ABL1: variants seen among roughly 807,000 people sequenced by gnomAD.
ABL1 encodes tyrosine-protein kinase ABL1.
In ABL1, 11 loss-of-function variants were observed where a neutral mutation model predicts 94.7. The observed-to-expected ratio is 0.12, with a 90% CI of 0.07 to 0.19. The LOEUF (loss-of-function observed/expected upper bound fraction) is 0.19. ABL1 is among the 10% of genes least tolerant of loss of function. The probability of loss-of-function intolerance (pLI) is 1.00; values close to 1 mark genes in which losing one functional copy is unlikely to be tolerated. For missense variants in ABL1, 1,082 were observed against 1,489.4 expected, an observed-to-expected ratio of 0.73 and a Z score of 4.50; for synonymous variants, 656 against 622.4, an observed-to-expected ratio of 1.05 and a Z score of -0.80.
Position 130,878,688 on chromosome 9 carries a change from A to C in ABL1, c.1423+121A>C, listed in dbSNP as rs1831394669. 3.3e-6 allele frequency: 4 copies of C among 1,217,702 alleles called. No homozygotes were observed. In the East Asian group the frequency reaches 9.5e-5, roughly 29 times the overall value. The allele number at this position is 1,217,702 out of a possible 1,614,324, so 75.4% of individuals were successfully genotyped here. A position where few individuals can be genotyped will look rare whatever the true frequency, so the allele number is the denominator to read the frequency against. The stretch of plus-strand genomic sequence containing the variant: ...TGAGCTCTCTCCATTCCAGTTCTTC[A>C]GATGCAGCTAATGTAGCCATTTGCT... On this transcript the variant is annotated intron_variant, in intron 8 of 10. Coordinates refer to ENST00000318560, the MANE Select transcript of ABL1 (RefSeq NM_005157.6).
Position 130,863,098 on chromosome 9 carries a change from G to A in ABL1, c.822+63G>A, listed in dbSNP as rs1030583878. ...GGCAAGGCGTCTGCTGGCATTAGGC[G>A]ATGCATCTGCCTGGAAGTCTACCTC... On this transcript the variant is annotated intron_variant, in intron 4 of 10. Transcript: ENST00000318560. This position sits in a 1 kb window ranked among gnomAD's most constrained non-coding sequence, Gnocchi z 4.3. 26 of 1,496,356 alleles carry A rather than the reference G, an allele frequency of 1.7e-5. No individual in the cohort carries two copies. Among genetic ancestry groups the A allele is most frequent in the South Asian group, 2.7e-5 (2 of 74,526 alleles). The allele number at this position is 1,496,356 out of a possible 1,614,324, so 92.7% of individuals were successfully genotyped here.
At chr9:130,719,717 T>A (rs1034815904) in intron 1 of ABL1, among the ~76,000 whole-genome samples, 2 of 152,228 alleles carry the variant, frequency 1.3e-5, no homozygotes, top group African/African-American at 2.4e-5. Context: ...TTGTTTGCGA[T>A]CTTTCATAGG....
intron 1 of ABL1, among the ~76,000 whole-genome samples, chr9:130,740,458 A>G (rs1831801827): frequency 6.6e-6 from 1 of 152,332 alleles, no homozygotes; most frequent in East Asian, 1.9e-4. Flanking sequence ...TGCTGTGTGT[A>G]TGATTCTCCA....
At chr9:130,759,586 A>G (rs553619849) in intron 1 of ABL1, among the ~76,000 whole-genome samples, 69 of 152,364 alleles carry the variant, frequency 4.5e-4, no homozygotes, top group African/African-American at 1.3e-3. Context: ...AAAATAATGT[A>G]TAACATAACC....
chr9:130,791,798 C>T (rs188817766), intron 1 of ABL1, among the ~76,000 whole-genome samples: 6 of 152,244 alleles, frequency 3.9e-5, no homozygotes, highest in South Asian at 4.1e-4. Context: ...TGAGCCACTA[C>T]GAGCTCTCTT....
In ABL1 at chr9:130,886,045, T is replaced by G; in HGVS notation, c.*362T>G. ...GCTGATGTGGACTGTCTTTTTCATT[T>G]TTTTCTCTCTGGAGCCCCTCCTCCC... On this transcript the variant is annotated 3_prime_UTR_variant, in exon 11 of 11. Transcript: ENST00000318560. The G allele has an allele frequency of 3.7e-6, 1 of 272,058 alleles. No homozygotes were observed. The allele number at this position is 272,058 out of a possible 1,614,324, so 16.9% of individuals were successfully genotyped here.
chr9:130,720,348 C>T (rs559302120), intron 1 of ABL1, among the ~76,000 whole-genome samples: 9 of 152,136 alleles, frequency 5.9e-5, no homozygotes, highest in Admixed American at 5.2e-4. Flanking sequence ...ACTGAGAGGG[C>T]GGCATTTGAT....
intron 7 of ABL1, among the ~76,000 whole-genome samples, chr9:130,876,050 A>G (rs1309142913): frequency 2.0e-5 from 3 of 151,794 alleles, no homozygotes; most frequent in Non-Finnish European, 4.4e-5. Flanking sequence ...ATGGTCTCCA[A>G]CTCCTGACTT....
At chr9:130,770,780 G>C (rs1309522245) in intron 1 of ABL1, among the ~76,000 whole-genome samples, 1 of 152,122 alleles carries the variant, frequency 6.6e-6, no homozygotes, top group South Asian at 2.1e-4. Context: ...TCACATAAAA[G>C]AGAAGAGATG....
At chr9:130,852,363 C>T (rs1056776450) in intron 1 of ABL1, among the ~76,000 whole-genome samples, 5 of 151,902 alleles carry the variant, frequency 3.3e-5, no homozygotes, top group Non-Finnish European at 5.9e-5. Flanking sequence ...CCACCATGCC[C>T]GGCTAGTTTT....
At position 130,733,415 on chromosome 9, in the gene ABL1, T is replaced by C. The variant is rs116809073; in HGVS notation, c.136+18960T>C. Among the ~76,000 whole-genome samples the C allele has an allele frequency of 5.6e-3, 848 of 152,176 alleles. 6 individuals are homozygous for C. The highest frequency in any genetic ancestry group is 0.02 in the African/African-American group (820 of 41,490). On this transcript the variant is annotated intron_variant, in intron 1 of 10. Transcript: ENST00000372348. ...ATCCTAGGTTGCAAAGAATATCTCT[T>C]GTGGATGTGTAAAGTTAAAAAAAAA...
chr9:130,776,190 A>G (rs1832308360), intron 1 of ABL1, among the ~76,000 whole-genome samples: 1 of 152,262 alleles, frequency 6.6e-6, no homozygotes, highest in Admixed American at 6.5e-5. Flanking sequence ...CAGCTCACTC[A>G]GGAATCATAA....
At position 130,885,757 on chromosome 9, in the gene ABL1, A is replaced by T; in HGVS notation, c.*74A>T. The T allele has an allele frequency of 1.3e-6, 2 of 1,517,968 alleles. No homozygotes were observed. The highest frequency in any genetic ancestry group is 1.8e-6 in the Non-Finnish European group (2 of 1,133,132). The allele number at this position is 1,517,968 out of a possible 1,614,324, so 94.0% of individuals were successfully genotyped here. A position where few individuals can be genotyped will look rare whatever the true frequency, so the allele number is the denominator to read the frequency against. On this transcript the variant is annotated 3_prime_UTR_variant, in exon 11 of 11. Coordinates refer to ENST00000318560, the MANE Select transcript of ABL1 (RefSeq NM_005157.6). ...ATGCGGGCTCGCCCATACCCGTGAC[A>T]GTGGCTGACAAGGGACTAGTGAGTC...
At chr9:130,881,249 CTCTGT>C (rs34063112) in intron 10 of ABL1, among the ~76,000 whole-genome samples, 1,938 of 152,310 alleles carry the variant, frequency 0.013, 39 homozygotes, top group African/African-American at 0.045. Flanking sequence ...ACAGGCCAGG[CTCTGT>C]TCTATGTTCA....
intron 1 of ABL1, among the ~76,000 whole-genome samples, chr9:130,853,263 C>A (rs1243510263): frequency 4.0e-5 from 6 of 149,852 alleles, no homozygotes; most frequent in Non-Finnish European, 5.9e-5. Flanking sequence ...GCAACCTCCG[C>A]CTCCCAGGTT....
intron 1 of ABL1, among the ~76,000 whole-genome samples, chr9:130,750,363 C>G (rs1298767494): frequency 6.8e-6 from 1 of 146,050 alleles, no homozygotes; most frequent in Non-Finnish European, 1.5e-5. Context: ...AAAAAAAATC[C>G]CCATCATCCT....
intron 1 of ABL1, among the ~76,000 whole-genome samples, chr9:130,725,828 T>G (rs1038579096): frequency 5.4e-4 from 41 of 75,826 alleles, no homozygotes; most frequent in East Asian, 5.1e-3. Flanking sequence ...ATGGTGGTTT[T>G]TTTTTTTTTT....
In ABL1 at chr9:130,816,319, C is replaced by T. The variant is rs77172843; in HGVS notation, c.137-37745C>T. Among the ~76,000 whole-genome samples the T allele has an allele frequency of 3.3e-5, 5 of 152,168 alleles. No individual in the cohort carries two copies. In the East Asian group the frequency reaches 9.7e-4, roughly 29 times the overall value. On this transcript the variant is annotated intron_variant, in intron 1 of 10. Transcript: ENST00000372348. ...TCTTCAGTGATGGCTCTTCTGATCA[C>T]CTTATTTAATTTTTATTTTTTAATT...
intron 10 of ABL1, among the ~76,000 whole-genome samples, chr9:130,882,498 T>G (rs144015256): frequency 5.8e-4 from 88 of 152,272 alleles, no homozygotes; most frequent in African/African-American, 2.1e-3. Context: ...TGAGGGAGAA[T>G]TCTGTTACTC....
Sources: gnomAD v4.1 joint callset for allele counts (sites outside exome capture counted in the v4.1 genomes callset) on GRCh38, gnomAD v4.1.1 for gene constraint, Gnocchi (gnomAD v3.1) non-coding constraint, MANE v1.5 for transcripts, NCBI Gene and HGNC (gene_info 2026-07-23, HGNC 2026-07-21) for gene names.